LONRF1: variants seen among roughly 807,000 people sequenced by gnomAD.
LONRF1 encodes LON peptidase N-terminal domain and RING finger protein 1.
In LONRF1, 37 loss-of-function variants were observed where a neutral mutation model predicts 85.8. The observed-to-expected ratio is 0.43, with a 90% CI of 0.33 to 0.57. The LOEUF (loss-of-function observed/expected upper bound fraction) is 0.57. LONRF1 is among the 20% of genes least tolerant of loss of function. LONRF1 has a pLI of 0.04. For missense variants in LONRF1, 1,036 were observed against 978.0 expected, an observed-to-expected ratio of 1.06 and a Z score of -0.79; for synonymous variants, 517 against 390.1, an observed-to-expected ratio of 1.33 and a Z score of -3.83.
Position 12,754,803 on chromosome 8 carries a change from C to G in LONRF1, c.618G>C (p.Pro206=), listed in dbSNP as rs1000846728. ...VLNHLAEKWF[P]GQRERARAAG... ...CCGCCCGGGCCCGCTCGCGCTGGCCCGGAAACCACTTCTCGGCCAGGTGGT... is the reference window on the plus strand; with the variant it reads ...CCGCCCGGGCCCGCTCGCGCTGGCCGGGAAACCACTTCTCGGCCAGGTGGT... Residue 206 remains proline, a synonymous_variant, in exon 1 of 12, where the codon CCG becomes CCC. Transcript: ENST00000398246. 4 of 1,490,186 alleles carry G rather than the reference C, an allele frequency of 2.7e-6. No homozygotes were observed. Among genetic ancestry groups the G allele is most frequent in the Admixed American group, 4.4e-5 (2 of 45,010 alleles). 92.3% of individuals were successfully genotyped at this position (1,490,186 alleles called of 1,614,324 possible).
intron 1 of LONRF1, among the ~76,000 whole-genome samples, chr8:12,747,278 A>C (rs1431581826): frequency 6.6e-6 from 1 of 152,170 alleles, no homozygotes. Context: ...AGAGTTTTCT[A>C]TTCTAGAGTC....
chr8:12,744,059 C>T (rs1388640030), intron 1 of LONRF1, among the ~76,000 whole-genome samples: 1 of 152,058 alleles, frequency 6.6e-6, no homozygotes, highest in Non-Finnish European at 1.5e-5. Flanking sequence ...GATGTCCAAG[C>T]AAGACATTAA....
At position 12,722,977 on chromosome 8, in the gene LONRF1, G is replaced by GA; in HGVS notation, c.*118dup. The stretch of plus-strand genomic sequence containing the variant: ...AACCACATGATTCAGGAGGTCGAAG[G>GA]AAAAAGAAAAGTTTCATTAAATTTC... On this transcript the variant is annotated 3_prime_UTR_variant, in exon 12 of 12. Transcript: ENST00000398246. The GA allele has an allele frequency of 9.9e-7, 1 of 1,011,228 alleles. No individual in the cohort carries two copies. Among genetic ancestry groups the GA allele is most frequent in the Non-Finnish European group, 1.4e-6 (1 of 693,684 alleles). 62.6% of individuals were successfully genotyped at this position (1,011,228 alleles called of 1,614,324 possible).
At position 12,736,767 on chromosome 8, in the gene LONRF1, A is replaced by G. The variant is rs779011681; in HGVS notation, c.1385T>C (p.Leu462Ser). The change falls in exon 6 of 12, where the codon TTA (leucine) becomes TCA (serine). Residue 462 changes from leucine to serine, a missense_variant. By Grantham distance (145) the Leu-to-Ser change is moderately radical (BLOSUM62 -2). Coordinates refer to ENST00000398246, the MANE Select transcript of LONRF1 (RefSeq NM_152271.5). ...TTCTTCTGGAATATCACCATAAGCT[A>G]AGGAAAACATACAGACTTCATTGGG... ...ETPNEVCMFS[L>S]AYGDIPEELI... The G allele has an allele frequency of 6.2e-7, 1 of 1,611,276 alleles. No individual in the cohort carries two copies. The highest frequency in any genetic ancestry group is 8.5e-7 in the Non-Finnish European group (1 of 1,178,806).
At position 12,722,791 on chromosome 8, in the gene LONRF1, C is replaced by A. The variant is rs1232411051; in HGVS notation, c.*305G>T. 2 of 213,296 alleles carry A rather than the reference C, an allele frequency of 9.4e-6. No individual in the cohort carries two copies. The highest frequency in any genetic ancestry group is 2.2e-4 in the East Asian group (2 of 8,954). The allele number at this position is 213,296 out of a possible 1,614,324, so 13.2% of individuals were successfully genotyped here. ...CCACAAGCACACACGCACGCACACACACACACACACTCTCTCACAGACATA... is the reference window on the plus strand; with the variant it reads ...CCACAAGCACACACGCACGCACACAAACACACACACTCTCTCACAGACATA... On this transcript the variant is annotated 3_prime_UTR_variant, in exon 12 of 12. Transcript: ENST00000398246.
At chr8:12,730,972 A>T (rs1798506266) in intron 8 of LONRF1, among the ~76,000 whole-genome samples, 1 of 152,236 alleles carries the variant, frequency 6.6e-6, no homozygotes, top group Non-Finnish European at 1.5e-5. Flanking sequence ...TAGTGTGTTC[A>T]ATTAAAAGAG....
At chr8:12,740,306 G>C (rs1303704081) in intron 3 of LONRF1, among the ~76,000 whole-genome samples, 1 of 152,144 alleles carries the variant, frequency 6.6e-6, no homozygotes, top group African/African-American at 2.4e-5. Context: ...GCTATGAAAC[G>C]TTCTGGAGAA....
rs1396949105 is a variant in LONRF1 at position 12,721,944 on chromosome 8, A to G, written c.*1152T>C. The G allele has an allele frequency of 1.3e-5, 2 of 152,552 alleles. No individual in the cohort carries two copies. The highest frequency in any genetic ancestry group is 2.9e-5 in the Non-Finnish European group (2 of 68,028). 9.4% of individuals were successfully genotyped at this position (152,552 alleles called of 1,614,324 possible). ...GCTTTTATTCAAAATTAAATAAGCA[A>G]AAGCAAAAATTTTAAGAAACTTTTA... On this transcript the variant is annotated 3_prime_UTR_variant, in exon 12 of 12. Coordinates refer to ENST00000398246, the MANE Select transcript of LONRF1 (RefSeq NM_152271.5).
chr8:12,744,886 A>T (rs1272792368), intron 1 of LONRF1, among the ~76,000 whole-genome samples: 1 of 151,912 alleles, frequency 6.6e-6, no homozygotes, highest in African/African-American at 2.4e-5. Context: ...ATTTTTTTTA[A>T]CTTCCATTTT....
At position 12,737,021 on chromosome 8, in the gene LONRF1, C is replaced by T; in HGVS notation, c.1233G>A (p.Val411=). 6.2e-7 allele frequency: 1 copy of T among 1,613,610 alleles called. No individual in the cohort carries two copies. The highest frequency in any genetic ancestry group is 8.5e-7 in the Non-Finnish European group (1 of 1,179,710). ...GAACTGACAGAACAGGTTCTGAGGA[C>T]ACTCTTTTTAAACAGTCCTCTCTGG... The part of the protein sequence containing the change: ...MPAREDCLKR[V]SSEPVLSVQE... The change falls in exon 5 of 12, where the codon GTG becomes GTA. Residue 411 remains valine, a synonymous_variant. Transcript: ENST00000398246.
At chr8:12,733,214 C>G (rs1563140883) in intron 7 of LONRF1, among the ~76,000 whole-genome samples, 1 of 152,110 alleles carries the variant, frequency 6.6e-6, no homozygotes, top group Non-Finnish European at 1.5e-5. Flanking sequence ...CAAAATTAAT[C>G]AAATTAGCTG....
intron 4 of LONRF1, 156 bp from the exon 5 acceptor site, chr8:12,737,296 A>C: frequency 1.0e-6 from 1 of 972,346 alleles, no homozygotes; most frequent in Admixed American, 2.0e-5. Context: ...GTGACAAGTA[A>C]ATGATTTTTG....
intron 10 of LONRF1, among the ~76,000 whole-genome samples, chr8:12,726,984 A>G (rs1210292855): frequency 1.3e-5 from 2 of 152,166 alleles, no homozygotes; most frequent in African/African-American, 4.8e-5. Flanking sequence ...TTTTACCACA[A>G]TAAAAATAAA....
chr8:12,751,543 G>A (rs1799404643), intron 1 of LONRF1, among the ~76,000 whole-genome samples: 1 of 151,500 alleles, frequency 6.6e-6, no homozygotes, highest in African/African-American at 2.4e-5. Flanking sequence ...GGCCTCATGC[G>A]ATCCGCCCGC....
At chr8:12,744,764 G>C (rs1485680283) in intron 1 of LONRF1, among the ~76,000 whole-genome samples, 1 of 152,188 alleles carries the variant, frequency 6.6e-6, no homozygotes, top group African/African-American at 2.4e-5. Context: ...AGAAAGTGCA[G>C]TTTTCCACCC....
At chr8:12,726,034 A>G (rs574406448) in intron 10 of LONRF1, 155 bp from the exon 11 acceptor site, 1 of 669,356 alleles carries the variant, frequency 1.5e-6, no homozygotes, top group Non-Finnish European at 2.4e-6. Context: ...GCTTTAATAC[A>G]CATTTCTGTC....
chr8:12,745,307 T>C (rs1437241540), intron 1 of LONRF1, among the ~76,000 whole-genome samples: 1 of 135,066 alleles, frequency 7.4e-6, no homozygotes, highest in Non-Finnish European at 1.5e-5. Context: ...TTATTTTGAA[T>C]GATTATTTTT....
intron 11 of LONRF1, 81 bp from the exon 12 acceptor site, chr8:12,723,335 T>C: frequency 7.5e-7 from 1 of 1,336,504 alleles, no homozygotes. Flanking sequence ...AAAATTACTA[T>C]TTATTGAGCA....
intron 1 of LONRF1, among the ~76,000 whole-genome samples, chr8:12,752,797 T>A (rs1163964348): frequency 6.6e-6 from 1 of 152,216 alleles, no homozygotes; most frequent in Admixed American, 6.5e-5. Context: ...AAACCCCTAA[T>A]TCAAGGTCAG....
Sources: allele counts gnomAD v4.1 joint callset (sites outside exome capture counted in the v4.1 genomes callset), GRCh38; gene constraint gnomAD v4.1.1; transcripts MANE v1.5; gene names NCBI Gene and HGNC (gene_info 2026-07-23, HGNC 2026-07-21).